Variants in NLRC4 observed in about 807,000 individuals in gnomAD.
NLRC4 encodes the protein NLR family CARD domain containing 4.
NLRC4 carries 63 observed loss-of-function variants against 79.9 expected under a neutral mutation model. That is an observed-to-expected ratio of 0.79 (90% CI 0.64 to 0.97). The LOEUF (loss-of-function observed/expected upper bound fraction) is 0.97, where lower values mean the gene tolerates loss of function less well. NLRC4 is among the 50% of genes least tolerant of loss of function. The probability of loss-of-function intolerance (pLI) is 0.00; values close to 1 mark genes in which losing one functional copy is unlikely to be tolerated. For synonymous variants in NLRC4, 461 were observed against 456.5 expected, an observed-to-expected ratio of 1.01 and a Z score of -0.12; for missense variants, 1,074 against 1,215.2, an observed-to-expected ratio of 0.88 and a Z score of 1.73.
Position 32,235,418 on chromosome 2 carries a change from G to GT in NLRC4, c.2764dup (p.Thr922AsnfsTer4). ...GTACCTACCTAAAATTCTAATCTCT[G>GT]TATCTGTGAGTCTCCAGTTTTTCAA... On this transcript the variant is annotated frameshift_variant, in exon 8 of 9. Coordinates refer to ENST00000402280, the MANE Select transcript of NLRC4 (RefSeq NM_001199138.2). LOFTEE classifies it high-confidence loss of function. The GT allele has an allele frequency of 1.9e-6, 3 of 1,613,832 alleles. No individual in the cohort carries two copies. Among genetic ancestry groups the GT allele is most frequent in the Non-Finnish European group, 2.5e-6 (3 of 1,179,716 alleles).
At chr2:32,255,750 C>T (rs1687193323) in intron 2 of NLRC4, among the ~76,000 whole-genome samples, 1 of 152,150 alleles carries the variant, frequency 6.6e-6, no homozygotes, top group Non-Finnish European at 1.5e-5. Flanking sequence ...CGTGGTGGCT[C>T]ACACCTGTAA....
intron 2 of NLRC4, among the ~76,000 whole-genome samples, chr2:32,256,277 TGTGACTACTGA>T (rs1472095990): frequency 2.6e-5 from 4 of 152,164 alleles, no homozygotes; most frequent in African/African-American, 9.7e-5. Flanking sequence ...ATTAGCCACA[TGTGACTACTGA>T]GTGCTTGAAA....
intron 6 of NLRC4, 37 bp from the exon 7 acceptor site, chr2:32,236,376 C>T (rs1161107840): frequency 7.8e-7 from 1 of 1,288,816 alleles, no homozygotes; most frequent in East Asian, 2.3e-5. Context: ...AAAAGATTTT[C>T]AGGTAAATAT....
intron 8 of NLRC4, among the ~76,000 whole-genome samples, chr2:32,228,952 G>C (rs1686468062): frequency 6.6e-6 from 1 of 151,742 alleles, no homozygotes; most frequent in Non-Finnish European, 1.5e-5. Flanking sequence ...TTTTAGTAGA[G>C]ACAGGGTTTC....
At chr2:32,244,362 C>T (rs1312932981) in intron 4 of NLRC4, among the ~76,000 whole-genome samples, 1 of 151,332 alleles carries the variant, frequency 6.6e-6, no homozygotes, top group Non-Finnish European at 1.5e-5. Flanking sequence ...AACACCTATT[C>T]ATGACCAAAA....
chr2:32,263,580 G>A (rs1328656220), intron 1 of NLRC4, among the ~76,000 whole-genome samples: 1 of 152,104 alleles, frequency 6.6e-6, no homozygotes, highest in East Asian at 1.9e-4. Flanking sequence ...CCTTTAAAGA[G>A]GTCATTAAGC....
chr2:32,248,553 C>T (rs1686992051), intron 4 of NLRC4, among the ~76,000 whole-genome samples: 1 of 152,166 alleles, frequency 6.6e-6, no homozygotes, highest in African/African-American at 2.4e-5. Context: ...GGCGTGGTGG[C>T]TCACGCCTGT....
chr2:32,241,182 A>T, intron 4 of NLRC4, 57 bp from the exon 5 acceptor site: 1 of 1,014,286 alleles, frequency 9.9e-7, no homozygotes, highest in Non-Finnish European at 1.5e-6. Context: ...TTACTATGTC[A>T]TTTACTATTA....
intron 5 of NLRC4, among the ~76,000 whole-genome samples, chr2:32,240,658 AT>A (rs1030855640): frequency 3.9e-5 from 6 of 152,146 alleles, no homozygotes; most frequent in African/African-American, 1.4e-4. Context: ...TCATTTATGA[AT>A]TTTTTTAACT....
In NLRC4 at chr2:32,224,637, C is replaced by A; in HGVS notation, c.2911G>T (p.Asp971Tyr). 1 of 1,613,420 alleles carries A rather than the reference C, an allele frequency of 6.2e-7. No individual in the cohort carries two copies. The highest frequency in any genetic ancestry group is 1.3e-5 in the African/African-American group (1 of 74,932). Residue 971 changes from aspartate to tyrosine, a missense_variant, in exon 9 of 9, where the codon GAC (aspartate) becomes TAC (tyrosine). Coordinates refer to ENST00000402280, the MANE Select transcript of NLRC4 (RefSeq NM_001199138.2). ...GGTAGAAATTCTTTAGTACTAAAGT[C>A]AAAAAACACTAATTGCTTAAGATTC... ...FENLKQLVFF[D>Y]FSTKEFLPDP...
At chr2:32,241,535 C>T (rs1686802131) in intron 4 of NLRC4, among the ~76,000 whole-genome samples, 1 of 151,818 alleles carries the variant, frequency 6.6e-6, no homozygotes, top group African/African-American at 2.4e-5. Context: ...TGCCACCACG[C>T]CCGGCTAATT....
intron 2 of NLRC4, 41 bp from the exon 3 acceptor site, chr2:32,252,720 A>C: frequency 6.3e-7 from 1 of 1,577,236 alleles, no homozygotes; most frequent in Non-Finnish European, 8.7e-7. Context: ...ATTTACTTAT[A>C]TAAAATGTGC....
intron 1 of NLRC4, among the ~76,000 whole-genome samples, chr2:32,261,535 C>T (rs1282634878): frequency 6.7e-6 from 1 of 148,942 alleles, no homozygotes. Flanking sequence ...TGGTCTCAAC[C>T]TCCTGATCTT....
intron 2 of NLRC4, among the ~76,000 whole-genome samples, chr2:32,256,508 G>C (rs2148946142): frequency 6.6e-6 from 1 of 152,230 alleles, no homozygotes; most frequent in African/African-American, 2.4e-5. Flanking sequence ...ATAGCTCTCT[G>C]CTGTCTGGCT....
intron 2 of NLRC4, among the ~76,000 whole-genome samples, chr2:32,252,983 A>G (rs528461727): frequency 2.0e-5 from 3 of 151,880 alleles, no homozygotes; most frequent in African/African-American, 7.2e-5. Flanking sequence ...GCGCCACTGC[A>G]CTCCGGCCTG....
chr2:32,255,191 C>CT (rs2148945412), intron 2 of NLRC4, among the ~76,000 whole-genome samples: 1 of 151,166 alleles, frequency 6.6e-6, no homozygotes, highest in African/African-American at 2.5e-5. Flanking sequence ...ACCTCTAAGT[C>CT]TGTGTCCCAT....
At chr2:32,245,884 A>G (rs896813167) in intron 4 of NLRC4, among the ~76,000 whole-genome samples, 1 of 152,178 alleles carries the variant, frequency 6.6e-6, no homozygotes, top group Non-Finnish European at 1.5e-5. Flanking sequence ...GTATACCTTT[A>G]AAAAATCAAC....
intron 4 of NLRC4, among the ~76,000 whole-genome samples, chr2:32,243,747 G>A (rs1245615287): frequency 6.7e-6 from 1 of 148,530 alleles, no homozygotes; most frequent in Non-Finnish European, 1.5e-5. Flanking sequence ...GCAGTGAGCC[G>A]AGATCGCATC....
intron 1 of NLRC4, among the ~76,000 whole-genome samples, chr2:32,260,479 T>C (rs1003847673): frequency 3.3e-5 from 5 of 152,212 alleles, no homozygotes; most frequent in Non-Finnish European, 7.3e-5. Context: ...TTGCTGTGAA[T>C]GTTGCTGTTG....
Sources: gnomAD v4.1 joint callset for allele counts (sites outside exome capture counted in the v4.1 genomes callset) on GRCh38, gnomAD v4.1.1 for gene constraint, MANE v1.5 for transcripts, NCBI Gene and HGNC (gene_info 2026-07-23, HGNC 2026-07-21) for gene names.